Variants in DYNC2LI1 observed in about 807,000 individuals in gnomAD.
DYNC2LI1 encodes dynein cytoplasmic 2 light intermediate chain 1, also known as cytoplasmic dynein 2 light intermediate chain 1.
In DYNC2LI1, 45 loss-of-function variants were observed where a neutral mutation model predicts 51.9. The observed-to-expected ratio is 0.87, with a 90% CI of 0.68 to 1.11. DYNC2LI1 has a LOEUF of 1.11. Ranked by LOEUF, DYNC2LI1 falls within the 50% of genes most tolerant of loss-of-function variation. The probability of loss-of-function intolerance (pLI) is 0.00; values close to 1 mark genes in which losing one functional copy is unlikely to be tolerated. For synonymous variants in DYNC2LI1, 130 were observed against 137.8 expected (o/e 0.94, Z 0.40); for missense variants, 490 against 417.4 (o/e 1.17, Z -1.51).
At chr2:43,781,020 T>A (rs1673254932) in intron 2 of DYNC2LI1, among the ~76,000 whole-genome samples, 1 of 152,196 alleles carries the variant, frequency 6.6e-6, no homozygotes, top group Admixed American at 6.5e-5. Context: ...TTAGTTTATG[T>A]TAATTTGGAA....
chr2:43,811,839 C>T, downstream of DYNC2LI1, among the ~76,000 whole-genome samples: 1 of 152,116 alleles, frequency 6.6e-6, no homozygotes, highest in Non-Finnish European at 1.5e-5. Flanking sequence ...CGTGATCCAC[C>T]CGCCTCGGCC....
At chr2:43,824,206 G>A in the DYNC2LI1 span, 4 of 1,614,110 alleles carry the variant, frequency 2.5e-6, no homozygotes, top group Non-Finnish European at 8.5e-7. Context: ...TCTCACATTT[G>A]TGAGCCTCTT....
At chr2:43,816,558 T>G in the DYNC2LI1 span, among the ~76,000 whole-genome samples, 4 of 152,268 alleles carry the variant, frequency 2.6e-5, no homozygotes, top group Middle Eastern at 3.4e-3. Context: ...TCTTTTTTAT[T>G]TTTTGAACGG....
At chr2:43,796,524 C>A (rs1179558964) in intron 7 of DYNC2LI1, among the ~76,000 whole-genome samples, 194 bp from the exon 8 acceptor site, 2 of 152,180 alleles carry the variant, frequency 1.3e-5, no homozygotes, top group Admixed American at 6.5e-5. Context: ...AAAGAAAGAT[C>A]TGTTAGCTGT....
intron 8 of DYNC2LI1, among the ~76,000 whole-genome samples, chr2:43,797,464 T>A (rs1665914459): frequency 6.6e-6 from 1 of 151,346 alleles, no homozygotes. Flanking sequence ...TTATCTCCCA[T>A]AGCAGGACTA....
chr2:43,782,547 TAAA>T (rs779034508), intron 2 of DYNC2LI1, among the ~76,000 whole-genome samples: 10 of 127,392 alleles, frequency 7.8e-5, no homozygotes, highest in African/African-American at 2.0e-4. Flanking sequence ...GTCTTTTCTT[TAAA>T]AAAAAAAAAA....
chr2:43,820,208 T>C, the DYNC2LI1 span: 9 of 1,339,460 alleles, frequency 6.7e-6, no homozygotes, highest in Non-Finnish European at 9.4e-6. Context: ...GTGGGAGAAG[T>C]TTGCAGGGCA....
intron 4 of DYNC2LI1, among the ~76,000 whole-genome samples, chr2:43,788,830 C>T (rs1159447076): frequency 6.6e-6 from 1 of 152,182 alleles, no homozygotes; most frequent in Non-Finnish European, 1.5e-5. Context: ...GATGGAGTCT[C>T]ACTGTGTTGG....
chr2:43,796,615 G>C, intron 7 of DYNC2LI1, 103 bp from the exon 8 acceptor site: 1 of 841,156 alleles, frequency 1.2e-6, no homozygotes, highest in Non-Finnish European at 1.8e-6. Flanking sequence ...CTGAAAGTGA[G>C]TTTAAAAAAA....
chr2:43,794,654 G>C lies in DYNC2LI1; in HGVS notation c.507+11G>C. On this transcript the variant is annotated intron_variant, in intron 6 of 12. Coordinates refer to ENST00000260605, the MANE Select transcript of DYNC2LI1 (RefSeq NM_016008.4). Reference sequence around the variant, plus strand: ...CCGAAGGATCATCCTGTGAGTTGCTGTTTGGGATTATTACTGGAATCCTTA... The same window carrying C: ...CCGAAGGATCATCCTGTGAGTTGCTCTTTGGGATTATTACTGGAATCCTTA... 1 of 1,614,036 alleles carries C rather than the reference G, an allele frequency of 6.2e-7. No homozygotes were observed. The highest frequency in any genetic ancestry group is 1.1e-5 in the South Asian group (1 of 91,070).
Position 43,789,616 on chromosome 2 carries a change from A to T in DYNC2LI1, c.232-17A>T. 6.2e-7 allele frequency: 1 copy of T among 1,611,278 alleles called. No homozygotes were observed. The highest frequency in any genetic ancestry group is 8.5e-7 in the Non-Finnish European group (1 of 1,178,738). ...AAGTACTTAAACTTCAAAAAATCAA[A>T]AATTTTTGTTTTTCAGCCAAAAGAT... is the stretch of plus-strand genomic sequence containing the variant. On this transcript the variant is annotated splice_polypyrimidine_tract_variant and intron_variant, in intron 4 of 12. Transcript: ENST00000260605.
chr2:43,819,981 T>C, the DYNC2LI1 span: 1 of 1,614,080 alleles, frequency 6.2e-7, no homozygotes, highest in Non-Finnish European at 8.5e-7. Flanking sequence ...GTTGACTATA[T>C]TTGGATTTTG....
chr2:43,781,411 G>C (rs7563532), intron 2 of DYNC2LI1, among the ~76,000 whole-genome samples: 37,795 of 151,088 alleles, frequency 0.25, 6,095 homozygotes, highest in African/African-American at 0.45. Context: ...TTAAATCAAT[G>C]AATACTAGTG....
chr2:43,827,999 C>A, the DYNC2LI1 span: 3 of 1,614,116 alleles, frequency 1.9e-6, no homozygotes, highest in Non-Finnish European at 2.5e-6. Context: ...CCTGGAGCAG[C>A]TGGGCTGCGA....
chr2:43,809,831 A>G lies in DYNC2LI1; in HGVS notation c.*64A>G. The stretch of plus-strand genomic sequence containing the variant: ...AAATACAAATAAGATTATACTGTGA[A>G]TTAACTATTGTGGCAATATGTGAAG... On this transcript the variant is annotated 3_prime_UTR_variant, in exon 13 of 13. Transcript: ENST00000260605. 4.5e-6 allele frequency: 7 copies of G among 1,538,542 alleles called. No individual in the cohort carries two copies. Among genetic ancestry groups the G allele is most frequent in the South Asian group, 1.2e-5 (1 of 80,374 alleles).
At position 43,774,297 on chromosome 2, in the gene DYNC2LI1, C is replaced by T; in HGVS notation, c.8+151C>T. 4 of 1,015,824 alleles carry T rather than the reference C, an allele frequency of 3.9e-6. No homozygotes were observed. The South Asian group carries it at 4.7e-5, about 12-fold the overall frequency. The allele number at this position is 1,015,824 out of a possible 1,614,324, so 62.9% of individuals were successfully genotyped here. Reference sequence around the variant, plus strand: ...CGGGGACCTAGGAATCAGCCTTGAGCATAAAGATTCTGCCGCAAACAGGAA... The same window carrying T: ...CGGGGACCTAGGAATCAGCCTTGAGTATAAAGATTCTGCCGCAAACAGGAA... On this transcript the variant is annotated intron_variant, in intron 1 of 12. Coordinates refer to ENST00000260605, the MANE Select transcript of DYNC2LI1 (RefSeq NM_016008.4).
chr2:43,820,201 G>A, the DYNC2LI1 span: 2 of 1,419,068 alleles, frequency 1.4e-6, no homozygotes, highest in Non-Finnish European at 1.9e-6. Context: ...TGAGTGGGTG[G>A]GAGAAGTTTG....
chr2:43,788,065 G>A (rs1022985738), intron 4 of DYNC2LI1, among the ~76,000 whole-genome samples: 2 of 152,142 alleles, frequency 1.3e-5, no homozygotes, highest in Non-Finnish European at 2.9e-5. Context: ...TCATTTTTGT[G>A]AGTCACTTGA....
chr2:43,823,789 C>G, the DYNC2LI1 span: 2 of 1,134,602 alleles, frequency 1.8e-6, no homozygotes, highest in East Asian at 5.2e-5. Flanking sequence ...AGAGAGGGAA[C>G]CTGGAGAGGG....
Sources: gnomAD v4.1 joint callset for allele counts (sites outside exome capture counted in the v4.1 genomes callset) on GRCh38, gnomAD v4.1.1 for gene constraint, MANE v1.5 for transcripts, NCBI Gene and HGNC (gene_info 2026-07-23, HGNC 2026-07-21) for gene names.